Variants in NEDD4 observed in about 807,000 individuals in gnomAD.
NEDD4 encodes E3 ubiquitin-protein ligase NEDD4.
NEDD4 carries 99 observed loss-of-function variants against 144.9 expected under a neutral mutation model. The ratio of observed to expected loss-of-function variants is 0.68; its 90% CI spans 0.58 to 0.81. The LOEUF is 0.81. Ranked by LOEUF, NEDD4 falls within the 30% of genes least tolerant of loss-of-function variation. The pLI is 0.00. For missense variants in NEDD4, 985 were observed against 1,065.9 expected, an observed-to-expected ratio of 0.92 and a Z score of 1.06; for synonymous variants, 318 against 350.6, an observed-to-expected ratio of 0.91 and a Z score of 1.04.
chr15:55,981,120 G>A (rs946802307), intron 1 of NEDD4, among the ~76,000 whole-genome samples: 4 of 149,798 alleles, frequency 2.7e-5, no homozygotes, highest in African/African-American at 4.9e-5. Context: ...CTCACTGCTC[G>A]CAATGTCTAC....
At chr15:55,978,578 TTAAA>T (rs2037743963) in intron 1 of NEDD4, among the ~76,000 whole-genome samples, 2 of 152,174 alleles carry the variant, frequency 1.3e-5, no homozygotes, top group South Asian at 2.1e-4. Context: ...TGGATAGTGC[TTAAA>T]TAAATAAAAA....
intron 5 of NEDD4, among the ~76,000 whole-genome samples, chr15:55,878,121 T>C (rs1178905355): frequency 1.3e-5 from 2 of 152,086 alleles, no homozygotes; most frequent in African/African-American, 4.8e-5. Context: ...GAGATGAACT[T>C]TGAATTCAAA....
In NEDD4 at chr15:55,902,697, T is replaced by C. The variant is rs180879237; in HGVS notation, c.291+21949A>G. ...ATAATAATATAGGTAGTTTATAACA[T>C]TTATTAAATAAAAAGAACTTAAGGA... On this transcript the variant is annotated intron_variant, in intron 5 of 28. Coordinates refer to ENST00000435532, the MANE Select transcript of NEDD4 (RefSeq NM_006154.4). Among the ~76,000 whole-genome samples the C allele has an allele frequency of 1.2e-3, 179 of 152,280 alleles. 4 individuals carry two copies. Among genetic ancestry groups the C allele is most frequent in the Admixed American group, 0.012 (179 of 15,290 alleles).
rs1595764133 is a variant in NEDD4, at chr15:55,862,865, T to C, written c.674+48A>G. On this transcript the variant is annotated intron_variant, in intron 9 of 28. Transcript: ENST00000435532. ...GACATGACTTCAAAATGAAAATTCGTAGTTAAAGTGTTTCCAGATTAAAAT... is the reference window on the plus strand; with the variant it reads ...GACATGACTTCAAAATGAAAATTCGCAGTTAAAGTGTTTCCAGATTAAAAT... 3 of 1,494,662 alleles carry C rather than the reference T, an allele frequency of 2.0e-6. No individual in the cohort carries two copies. In the East Asian group the frequency reaches 7.1e-5, roughly 35 times the overall value. The allele number at this position is 1,494,662 out of a possible 1,614,324, so 92.6% of individuals were successfully genotyped here.
rs1487637688 is a variant in NEDD4, at chr15:55,934,875, T to TTA, written c.238-10177_238-10176insTA. Reference sequence around the variant, plus strand: ...CAATGTTCTGCTTTTTTTTTTTTTTTTTTTTTTTTTTGAAATGGAGTCTCA... The same window carrying TTA: ...CAATGTTCTGCTTTTTTTTTTTTTTTTATTTTTTTTTTTGAAATGGAGTCTCA... On this transcript the variant is annotated intron_variant, in intron 4 of 28. Coordinates refer to ENST00000435532, the MANE Select transcript of NEDD4 (RefSeq NM_006154.4). 2.7e-4 allele frequency: 37 copies of TTA among 137,178 alleles called. 2 individuals are homozygous for TTA. In the East Asian group the frequency reaches 7.6e-3, roughly 28 times the overall value. 8.5% of individuals were successfully genotyped at this position (137,178 alleles called of 1,614,324 possible). A position where few individuals can be genotyped will look rare whatever the true frequency, so the allele number is the denominator to read the frequency against.
In NEDD4 at chr15:55,913,931, T is replaced by A. The variant is rs76541505; in HGVS notation, c.291+10715A>T. On this transcript the variant is annotated intron_variant, in intron 5 of 28. Transcript: ENST00000435532. ...GCATACTATTAACGTTTCTTCTCAG[T>A]GCCACTTCATTTCTTTCTTTCAGGA... Among the ~76,000 whole-genome samples, 323 of 152,064 alleles carry A rather than the reference T, an allele frequency of 2.1e-3. 13 individuals are homozygous for A. In the East Asian group the frequency reaches 0.053, roughly 25 times the overall value.
chr15:55,928,607 G>A (rs1228625399), intron 4 of NEDD4, among the ~76,000 whole-genome samples: 1 of 152,092 alleles, frequency 6.6e-6, no homozygotes, highest in Non-Finnish European at 1.5e-5. Flanking sequence ...GCATGTTAAG[G>A]TCTATCCACT....
chr15:55,919,397 G>T (rs1318591562), intron 5 of NEDD4, among the ~76,000 whole-genome samples: 2 of 152,180 alleles, frequency 1.3e-5, no homozygotes, highest in Non-Finnish European at 2.9e-5. Context: ...TACAGAGAGG[G>T]TTTCAGCCAA....
chr15:55,945,707 G>T (rs563411067), intron 4 of NEDD4, among the ~76,000 whole-genome samples: 2 of 151,954 alleles, frequency 1.3e-5, no homozygotes, highest in Non-Finnish European at 2.9e-5. Flanking sequence ...ACACATAATT[G>T]TCAGATTCAC....
chr15:55,925,674 A>T (rs562608736), intron 4 of NEDD4, among the ~76,000 whole-genome samples: 1 of 152,172 alleles, frequency 6.6e-6, no homozygotes, highest in Non-Finnish European at 1.5e-5. Context: ...ACATGTCAAA[A>T]CTATTGATAG....
At chr15:55,914,811 T>C (rs993266052) in intron 5 of NEDD4, among the ~76,000 whole-genome samples, 2 of 152,038 alleles carry the variant, frequency 1.3e-5, no homozygotes, top group Non-Finnish European at 2.9e-5. Flanking sequence ...TATGGGTTTT[T>C]GTTTAATATT....
At chr15:55,908,283 T>C (rs1315774159) in intron 5 of NEDD4, among the ~76,000 whole-genome samples, 1 of 152,214 alleles carries the variant, frequency 6.6e-6, no homozygotes, top group East Asian at 1.9e-4. Context: ...CAGAAAAGAT[T>C]TGCTTAATCC....
chr15:55,889,116 A>C lies in NEDD4; in HGVS notation c.292-15108T>G, dbSNP rs183614722. On this transcript the variant is annotated intron_variant, in intron 5 of 28. Transcript: ENST00000435532. The stretch of plus-strand genomic sequence containing the variant: ...CAAATGGGATCACATCAAGGTAAAA[A>C]GCTTTTGCACAGCCCACAATAAACA... 1.4e-4 allele frequency among the ~76,000 whole-genome samples: 22 copies of C among 152,298 alleles called. 1 individual carries two copies. Among genetic ancestry groups the C allele is most frequent in the Admixed American group, 1.1e-3 (17 of 15,294 alleles).
intron 5 of NEDD4, among the ~76,000 whole-genome samples, chr15:55,900,053 A>G (rs1353296366): frequency 1.3e-5 from 2 of 150,446 alleles, no homozygotes; most frequent in Admixed American, 1.3e-4. Flanking sequence ...CACTGTGTTC[A>G]GAATCATGAC....
intron 5 of NEDD4, among the ~76,000 whole-genome samples, chr15:55,878,182 G>A (rs1156828030): frequency 6.6e-6 from 1 of 152,156 alleles, no homozygotes; most frequent in East Asian, 1.9e-4. Flanking sequence ...CAGGTATACA[G>A]TAAGTATAAG....
At chr15:55,879,477 G>A (rs2035107562) in intron 5 of NEDD4, among the ~76,000 whole-genome samples, 1 of 152,198 alleles carries the variant, frequency 6.6e-6, no homozygotes, top group South Asian at 2.1e-4. Flanking sequence ...CCACTAGTCA[G>A]TAGATGCCCA....
rs1168981712 is a variant in NEDD4 at position 55,970,837 on chromosome 15, T to C, written c.46-4291A>G. Among the ~76,000 whole-genome samples, 3 of 152,182 alleles carry C rather than the reference T, an allele frequency of 2.0e-5. No individual in the cohort carries two copies. The East Asian group carries it at 5.8e-4, about 29-fold the overall frequency. On this transcript the variant is annotated intron_variant, in intron 1 of 28. Transcript: ENST00000435532. ...AGGATGGGTACAAACCAGCCCAGAC[T>C]GTGAAGATTAGAATAAATACCTAAC...
At chr15:55,955,879 A>G (rs2037329496) in intron 2 of NEDD4, among the ~76,000 whole-genome samples, 1 of 150,424 alleles carries the variant, frequency 6.6e-6, no homozygotes, top group Non-Finnish European at 1.5e-5. Context: ...AAGGTGGCAC[A>G]AACACGGCTC....
chr15:55,951,668 T>C, intron 2 of NEDD4, 79 bp from the exon 3 acceptor site: 2 of 1,061,530 alleles, frequency 1.9e-6, no homozygotes, highest in Non-Finnish European at 2.6e-6. Flanking sequence ...GACTATAAAA[T>C]TCACAGTTTT....
Sources: gnomAD v4.1 joint callset for allele counts (sites outside exome capture counted in the v4.1 genomes callset) on GRCh38, gnomAD v4.1.1 for gene constraint, MANE v1.5 for transcripts, NCBI Gene and HGNC (gene_info 2026-07-23, HGNC 2026-07-21) for gene names.